Variants in ZNF44 observed in about 807,000 individuals in gnomAD.
ZNF44 encodes gonadotropin inducible transcription repressor-2.
A neutral mutation model predicts 11.7 loss-of-function variants in ZNF44; 9 were observed. The observed-to-expected ratio is 0.77, with a 90% CI of 0.46 to 1.35. The LOEUF (loss-of-function observed/expected upper bound fraction) is 1.35, where lower values mean the gene tolerates loss of function less well. Among genes scored for constraint, ZNF44 ranks in the 40% most tolerant of loss-of-function variants. The probability of loss-of-function intolerance (pLI) is 0.00; values close to 1 mark genes in which losing one functional copy is unlikely to be tolerated. For synonymous variants in ZNF44, 224 were observed against 242.7 expected, an observed-to-expected ratio of 0.92 and a Z score of 0.72; for missense variants, 696 against 743.1, an observed-to-expected ratio of 0.94 and a Z score of 0.74.
chr19:12,235,711 A>T (rs1408152363), intron 1 of ZNF44, among the ~76,000 whole-genome samples: 4 of 152,176 alleles, frequency 2.6e-5, no homozygotes, highest in Non-Finnish European at 5.9e-5. Flanking sequence ...CAGCACTTTG[A>T]GAGGCTGAAA....
chr19:12,248,308 C>T, exon 8 of ZNF44: 2 of 1,294,988 alleles, frequency 1.5e-6, no homozygotes, highest in South Asian at 2.5e-5. Context: ...TGAGTCCTTC[C>T]ATGTATTTGG....
chr19:12,279,143 G>A (rs1361033672), intron 1 of ZNF44, among the ~76,000 whole-genome samples: 2 of 152,192 alleles, frequency 1.3e-5, no homozygotes, highest in Non-Finnish European at 2.9e-5. Flanking sequence ...AACACTGCAT[G>A]ATCACAAGCT....
chr19:12,288,774 G>GTATATGTATGTA (rs1413658227), intron 1 of ZNF44, among the ~76,000 whole-genome samples: 3 of 76,840 alleles, frequency 3.9e-5, no homozygotes, highest in Non-Finnish European at 4.3e-5. Flanking sequence ...AAAAAAAAAT[G>GTATATGTATGTA]TATATATATA....
At chr19:12,274,899 C>A in intron 3 of ZNF44, 74 bp downstream of exon 3, 1 of 1,161,266 alleles carries the variant, frequency 8.6e-7, no homozygotes, top group Non-Finnish European at 1.2e-6. Context: ...ATAATCTTTG[C>A]TTCTTTTTAA....
downstream of ZNF44, among the ~76,000 whole-genome samples, chr19:12,243,511 C>T (rs549516976): frequency 1.7e-4 from 26 of 152,126 alleles, no homozygotes; most frequent in Middle Eastern, 3.4e-3. Context: ...TTCCTTTTTA[C>T]GGCTGAGTAA....
chr19:12,294,546 G>A (rs1968163273), intron 1 of ZNF44, 146 bp downstream of exon 1: 2 of 1,154,750 alleles, frequency 1.7e-6, no homozygotes, highest in South Asian at 3.1e-5. Flanking sequence ...GCGGCCAAAC[G>A]GACCGAGGAC....
At chr19:12,234,506 GC>G in intron 2 of ZNF44, among the ~76,000 whole-genome samples, 1 of 152,260 alleles carries the variant, frequency 6.6e-6, no homozygotes, top group East Asian at 1.9e-4. Context: ...CATTTAGAAA[GC>G]ATGGAAAAAT....
chr19:12,275,532 C>G (rs1967180819), intron 2 of ZNF44, among the ~76,000 whole-genome samples: 5 of 152,062 alleles, frequency 3.3e-5, no homozygotes, highest in Admixed American at 3.3e-4. Flanking sequence ...CCTGTAGTCC[C>G]AGCTACTCAG....
chr19:12,278,687 AC>A (rs966651577), intron 1 of ZNF44, among the ~76,000 whole-genome samples: 3 of 151,898 alleles, frequency 2.0e-5, no homozygotes, highest in African/African-American at 7.3e-5. Flanking sequence ...CGATTGTGCC[AC>A]TGCACTCAAG....
chr19:12,276,126 A>C (rs1163482048), intron 1 of ZNF44, 44 bp from the exon 2 acceptor site: 25 of 1,579,882 alleles, frequency 1.6e-5, no homozygotes, highest in Non-Finnish European at 1.9e-5. Context: ...TGAAACTCAC[A>C]GTACTGAGAA....
chr19:12,242,563 C>A (rs534441721), upstream of ZNF44: 1 of 147,982 alleles, frequency 6.8e-6, no homozygotes, highest in Non-Finnish European at 1.5e-5. Context: ...CGGCTCACAC[C>A]TGTAATCCCA....
At chr19:12,256,431 G>A (rs1441753240) in intron 5 of ZNF44, among the ~76,000 whole-genome samples, 1 of 152,106 alleles carries the variant, frequency 6.6e-6, no homozygotes, top group South Asian at 2.1e-4. Context: ...GGAGATTGCA[G>A]TGAGCCGAGA....
At chr19:12,261,141 T>C (rs1317583446) in intron 5 of ZNF44, among the ~76,000 whole-genome samples, 1 of 152,110 alleles carries the variant, frequency 6.6e-6, no homozygotes. Flanking sequence ...TTTACTGTGG[T>C]TGGAAGTGGG....
rs34329118 is a variant in ZNF44, at chr19:12,289,643, C to CTT, written c.3+5047_3+5048dup. ...AGCGCTGTTTTAGAATAAACTCATT[C>CTT]TTTTTTTTTTTTTTTTTTTGAGATG... On this transcript the variant is annotated intron_variant, in intron 1 of 3. Coordinates refer to ENST00000355684, the MANE Select transcript of ZNF44 (RefSeq NM_016264.4). 2.3e-3 allele frequency among the ~76,000 whole-genome samples: 269 copies of CTT among 117,866 alleles called. 1 individual carries two copies. Among genetic ancestry groups the CTT allele is most frequent in the African/African-American group, 7.1e-3 (209 of 29,484 alleles). The allele number at this position is 117,866 out of a possible 152,430, so 77.3% of individuals were successfully genotyped here.
chr19:12,272,356 A>C lies in ZNF44; in HGVS notation c.*51T>G. ...TACATTCACAGGATTTATTTCTTTC[A>C]AGTATCTGAATGTGATAAAACCAAT... On this transcript the variant is annotated 3_prime_UTR_variant, in exon 4 of 4. Transcript: ENST00000355684. 1.4e-6 allele frequency: 2 copies of C among 1,463,326 alleles called. No individual in the cohort carries two copies. Among genetic ancestry groups the C allele is most frequent in the Non-Finnish European group, 1.8e-6 (2 of 1,108,106 alleles). 90.6% of individuals were successfully genotyped at this position (1,463,326 alleles called of 1,614,324 possible). A position where few individuals can be genotyped will look rare whatever the true frequency, so the allele number is the denominator to read the frequency against.
chr19:12,257,966 A>G (rs1295498774), intron 5 of ZNF44, among the ~76,000 whole-genome samples: 1 of 151,608 alleles, frequency 6.6e-6, no homozygotes, highest in African/African-American at 2.4e-5. Context: ...GCGAAACTCT[A>G]TCTCAAAACA....
intron 2 of ZNF44, among the ~76,000 whole-genome samples, chr19:12,233,550 C>CAAA (rs58060175): frequency 1.5e-4 from 12 of 80,814 alleles, no homozygotes; most frequent in East Asian, 7.0e-4. Flanking sequence ...ACCCATACAT[C>CAAA]AAAAAAAAAA....
chr19:12,279,810 T>A (rs1967387835), intron 1 of ZNF44, among the ~76,000 whole-genome samples: 2 of 113,286 alleles, frequency 1.8e-5, no homozygotes, highest in Non-Finnish European at 1.8e-5. Context: ...GAGCAACCAG[T>A]GGAAAAAAAA....
downstream of ZNF44, among the ~76,000 whole-genome samples, chr19:12,266,841 CA>C (rs1483993776): frequency 4.6e-5 from 7 of 152,042 alleles, no homozygotes; most frequent in Non-Finnish European, 1.0e-4. Flanking sequence ...TCCTCTTGGA[CA>C]AAAGGGAATT....
Sources: gnomAD v4.1 joint callset for allele counts (sites outside exome capture counted in the v4.1 genomes callset) on GRCh38, gnomAD v4.1.1 for gene constraint, MANE v1.5 for transcripts, NCBI Gene and HGNC (gene_info 2026-07-23, HGNC 2026-07-21) for gene names.